Variants in NUTF2 observed in about 807,000 individuals in gnomAD.
NUTF2 encodes placental protein 15.
NUTF2 carries 3 observed loss-of-function variants against 18.5 expected under a neutral mutation model. The ratio of observed to expected loss-of-function variants is 0.16; its 90% CI spans 0.07 to 0.42. The LOEUF is 0.42. NUTF2 is among the 10% of genes least tolerant of loss of function. The pLI is 0.99. For missense variants in NUTF2, 44 were observed against 160.7 expected, an observed-to-expected ratio of 0.27 and a Z score of 3.93; for synonymous variants, 51 against 57.9, an observed-to-expected ratio of 0.88 and a Z score of 0.54.
intron 1 of NUTF2, chr16:67,847,542 C>T (rs1220773112): frequency 3.3e-5 from 5 of 152,434 alleles, no homozygotes; most frequent in Non-Finnish European, 5.9e-5. Flanking sequence ...GGTGAACGCC[C>T]CCTCCTTGTC....
intron 1 of NUTF2, among the ~76,000 whole-genome samples, chr16:67,860,257 G>A (rs145647605): frequency 5.9e-5 from 9 of 151,880 alleles, no homozygotes; most frequent in African/African-American, 9.7e-5. Flanking sequence ...GGAATTACAG[G>A]TGTGAGCCAT....
chr16:67,861,070 G>A (rs772459751), intron 1 of NUTF2, among the ~76,000 whole-genome samples: 3 of 152,200 alleles, frequency 2.0e-5, no homozygotes, highest in Non-Finnish European at 4.4e-5. Context: ...CACTGATGTA[G>A]TCTGTTCTTG....
chr16:67,860,740 G>A (rs2057929820), intron 1 of NUTF2, among the ~76,000 whole-genome samples: 1 of 152,204 alleles, frequency 6.6e-6, no homozygotes, highest in Admixed American at 6.5e-5. Flanking sequence ...CAAATCTGCT[G>A]GCATTCCCTG....
intron 1 of NUTF2, among the ~76,000 whole-genome samples, chr16:67,850,110 GGAC>G (rs1199010137): frequency 6.6e-6 from 1 of 151,884 alleles, no homozygotes; most frequent in Non-Finnish European, 1.5e-5. Flanking sequence ...TTTTCTTCAG[GGAC>G]AAAAAGATAC....
chr16:67,861,248 G>A (rs921001938), intron 1 of NUTF2, among the ~76,000 whole-genome samples: 4 of 152,222 alleles, frequency 2.6e-5, no homozygotes, highest in Non-Finnish European at 4.4e-5. Flanking sequence ...CTCACAGGGT[G>A]TGGTTACAAA....
In NUTF2 at chr16:67,870,960, C is replaced by G. The variant is rs1199515308; in HGVS notation, c.*47C>G. The G allele has an allele frequency of 1.5e-6, 2 of 1,341,692 alleles. No individual in the cohort carries two copies. Among genetic ancestry groups the G allele is most frequent in the South Asian group, 1.2e-5 (1 of 85,424 alleles). 83.1% of individuals were successfully genotyped at this position (1,341,692 alleles called of 1,614,324 possible). ...ACGCTGTTTCCTCCTCCCTCCTCTTCCCAATACTATTCCCACTCCTCCAGA... is the reference window on the plus strand; with the variant it reads ...ACGCTGTTTCCTCCTCCCTCCTCTTGCCAATACTATTCCCACTCCTCCAGA... On this transcript the variant is annotated 3_prime_UTR_variant, in exon 5 of 5. Transcript: ENST00000219169.
At chr16:67,864,977 G>C in intron 1 of NUTF2, 125 bp from the exon 2 acceptor site, 1 of 589,398 alleles carries the variant, frequency 1.7e-6, no homozygotes, top group Non-Finnish European at 3.1e-6. Context: ...GGGCCTGTCC[G>C]TGTTCTCTGA....
At chr16:67,854,098 G>C (rs576611729) in intron 1 of NUTF2, among the ~76,000 whole-genome samples, 41 of 152,158 alleles carry the variant, frequency 2.7e-4, no homozygotes, top group South Asian at 1.0e-3. Context: ...CTACAGGCAC[G>C]CGCCACCACG....
intron 1 of NUTF2, among the ~76,000 whole-genome samples, chr16:67,850,501 T>C (rs1202007401): frequency 6.6e-6 from 1 of 152,166 alleles, no homozygotes; most frequent in Non-Finnish European, 1.5e-5. Flanking sequence ...CCACCGCGCC[T>C]GGCCGTTCCC....
chr16:67,855,548 G>A (rs1243149845), intron 1 of NUTF2, among the ~76,000 whole-genome samples: 3 of 152,146 alleles, frequency 2.0e-5, no homozygotes, highest in African/African-American at 4.8e-5. Flanking sequence ...GGGAACTGAG[G>A]GCTGTTTGTC....
At chr16:67,849,990 A>G (rs890457735) in intron 1 of NUTF2, among the ~76,000 whole-genome samples, 3 of 151,448 alleles carry the variant, frequency 2.0e-5, no homozygotes, top group Non-Finnish European at 4.4e-5. Flanking sequence ...TGTCATCTCC[A>G]TATGTTGCCC....
At chr16:67,869,726 G>A (rs373979088) in intron 4 of NUTF2, among the ~76,000 whole-genome samples, 9 of 152,076 alleles carry the variant, frequency 5.9e-5, no homozygotes, top group South Asian at 2.1e-4. Flanking sequence ...CAGAGGTTGC[G>A]GTGAGCTGAG....
chr16:67,850,205 C>CTTTT lies in NUTF2; in HGVS notation c.-30+3222_-30+3223insTTTT, dbSNP rs768001106. ...TCCAACCTCTAGAAGTTCCCTGTAA[C>CTTTT]TTCTTTTTTTTTTTTTTGAGATGGA... On this transcript the variant is annotated intron_variant, in intron 1 of 4. Coordinates refer to ENST00000219169, the MANE Select transcript of NUTF2 (RefSeq NM_005796.3). Among the ~76,000 whole-genome samples, 8 of 149,732 alleles carry CTTTT rather than the reference C, an allele frequency of 5.3e-5. 1 individual carries two copies. The highest frequency in any genetic ancestry group is 7.5e-5 in the African/African-American group (3 of 40,080).
intron 4 of NUTF2, chr16:67,869,885 CAAT>C (rs1049117567): frequency 6.6e-6 from 1 of 152,250 alleles, no homozygotes; most frequent in African/African-American, 2.4e-5. Context: ...TTGTGTCTTA[CAAT>C]AACATGGTCA....
intron 1 of NUTF2, chr16:67,847,859 C>T (rs2057818534): frequency 6.6e-6 from 1 of 152,284 alleles, no homozygotes; most frequent in South Asian, 2.1e-4. Flanking sequence ...AGAATTCAGG[C>T]CTGAGGTTCT....
chr16:67,861,576 G>C (rs903817113), intron 1 of NUTF2, among the ~76,000 whole-genome samples: 6 of 152,178 alleles, frequency 3.9e-5, no homozygotes, highest in Admixed American at 2.0e-4. Flanking sequence ...GTCAGTGAAG[G>C]CTGGTGTTCA....
chr16:67,869,414 A>G (rs1325834677), intron 4 of NUTF2, among the ~76,000 whole-genome samples: 4 of 151,258 alleles, frequency 2.6e-5, no homozygotes, highest in Admixed American at 6.6e-5. Flanking sequence ...CTCAAGACCT[A>G]TTATTCTCAG....
intron 1 of NUTF2, among the ~76,000 whole-genome samples, chr16:67,853,357 A>AATT (rs1281423039): frequency 2.0e-5 from 3 of 151,862 alleles, no homozygotes; most frequent in Non-Finnish European, 4.4e-5. Context: ...ACGCTTGGCT[A>AATT]ATTATTATTA....
chr16:67,856,596 C>T (rs1567380736), intron 1 of NUTF2, among the ~76,000 whole-genome samples: 1 of 151,608 alleles, frequency 6.6e-6, no homozygotes, highest in Non-Finnish European at 1.5e-5. Context: ...GCAACCTCTG[C>T]CTCCTGGGTT....
Sources: allele counts gnomAD v4.1 joint callset (sites outside exome capture counted in the v4.1 genomes callset), GRCh38; gene constraint gnomAD v4.1.1; transcripts MANE v1.5; gene names NCBI Gene and HGNC (gene_info 2026-07-23, HGNC 2026-07-21).